TRAK2: variants seen among roughly 807,000 people sequenced by gnomAD.
The protein encoded by TRAK2 is trafficking kinesin-binding protein 2.
In TRAK2, 81 loss-of-function variants were observed where a neutral mutation model predicts 104.6. That is an observed-to-expected ratio of 0.77 (90% confidence interval 0.65 to 0.93). The LOEUF is 0.93. Ranked by LOEUF, TRAK2 falls within the 40% of genes least tolerant of loss-of-function variation. TRAK2 has a pLI of 0.00. For synonymous variants in TRAK2, 406 were observed against 394.4 expected, an observed-to-expected ratio of 1.03 and a Z score of -0.35; for missense variants, 1,002 against 1,089.0, an observed-to-expected ratio of 0.92 and a Z score of 1.12.
At chr2:201,413,763 G>C (rs1287336983) in intron 2 of TRAK2, among the ~76,000 whole-genome samples, 1 of 151,994 alleles carries the variant, frequency 6.6e-6, no homozygotes, top group African/African-American at 2.4e-5. Flanking sequence ...CATTCTTGTT[G>C]CTATCTGCCA....
rs537403913 is a variant in TRAK2 at position 201,380,323 on chromosome 2, C to T, written c.*220G>A. ...GAGTATATTAAACCTTTCTTTTCTCCCTCTGAACACTCATGGCCCATTCAT... is the reference window on the plus strand; with the variant it reads ...GAGTATATTAAACCTTTCTTTTCTCTCTCTGAACACTCATGGCCCATTCAT... On this transcript the variant is annotated 3_prime_UTR_variant, in exon 16 of 16. Transcript: ENST00000332624. 23 of 575,132 alleles carry T rather than the reference C, an allele frequency of 4.0e-5. No homozygotes were observed. In the East Asian group the frequency reaches 6.2e-4, roughly 16 times the overall value. 35.6% of individuals were successfully genotyped at this position (575,132 alleles called of 1,614,324 possible).
intron 1 of TRAK2, among the ~76,000 whole-genome samples, chr2:201,434,582 A>T (rs1576536325): frequency 6.6e-6 from 1 of 152,190 alleles, no homozygotes; most frequent in East Asian, 1.9e-4. Flanking sequence ...TTATAAGACC[A>T]TATAAAGACT....
intron 1 of TRAK2, among the ~76,000 whole-genome samples, chr2:201,445,549 T>C (rs1303195428): frequency 6.6e-6 from 1 of 152,204 alleles, no homozygotes; most frequent in Non-Finnish European, 1.5e-5. Flanking sequence ...AACAGAATTG[T>C]CGGGAGAGAG....
intron 1 of TRAK2, among the ~76,000 whole-genome samples, chr2:201,434,455 T>C (rs1295639934): frequency 6.6e-6 from 1 of 151,942 alleles, no homozygotes; most frequent in Non-Finnish European, 1.5e-5. Flanking sequence ...AATGGCCGAG[T>C]TAAAATATTC....
rs1294219759 is a variant in TRAK2, at chr2:201,379,849, T to G, written c.*694A>C. The G allele has an allele frequency of 6.6e-6, 1 of 151,972 alleles. No individual in the cohort carries two copies. Among genetic ancestry groups the G allele is most frequent in the Non-Finnish European group, 1.5e-5 (1 of 67,934 alleles). 9.4% of individuals were successfully genotyped at this position (151,972 alleles called of 1,614,324 possible). ...TTGGAGGTTGTATAAAAATACAAAT[T>G]TAAAAAATGAACTTTTATTAATCAT... On this transcript the variant is annotated 3_prime_UTR_variant, in exon 16 of 16. Transcript: ENST00000332624.
chr2:201,412,463 G>C (rs1031894464), intron 2 of TRAK2: 2 of 1,167,444 alleles, frequency 1.7e-6, no homozygotes, highest in Non-Finnish European at 2.6e-6. Context: ...TAACTCAACT[G>C]ATCCAACTGC....
chr2:201,418,068 A>T (rs1378096435), intron 2 of TRAK2, among the ~76,000 whole-genome samples: 1 of 152,258 alleles, frequency 6.6e-6, no homozygotes, highest in Non-Finnish European at 1.5e-5. Flanking sequence ...ATGGAGATAT[A>T]TATCAAGTTT....
chr2:201,424,641 C>T (rs1375193554), intron 1 of TRAK2, among the ~76,000 whole-genome samples: 3 of 150,864 alleles, frequency 2.0e-5, no homozygotes, highest in South Asian at 2.1e-4. Context: ...CTCACTCTTT[C>T]GCCCAGGCCG....
rs919598115 is a variant in TRAK2 at position 201,441,222 on chromosome 2, G to T, written c.-200+10128C>A. On this transcript the variant is annotated intron_variant, in intron 1 of 15. Coordinates refer to ENST00000332624, the MANE Select transcript of TRAK2 (RefSeq NM_015049.3). ...TGCATAAAAGAGTTTGGTGTTAAAAGGGTGCTTTATCATTTTTATAGCAAT... is the reference window on the plus strand; with the variant it reads ...TGCATAAAAGAGTTTGGTGTTAAAATGGTGCTTTATCATTTTTATAGCAAT... 2.0e-5 allele frequency among the ~76,000 whole-genome samples: 3 copies of T among 152,284 alleles called. No individual in the cohort carries two copies. In the East Asian group the frequency reaches 5.8e-4, roughly 29 times the overall value.
rs1321590607 is a variant in TRAK2, at chr2:201,377,739, C to T, written c.*2804G>A. On this transcript the variant is annotated 3_prime_UTR_variant, in exon 16 of 16. Transcript: ENST00000332624. ...TTAACTTCTCCCTAAGGACTCATGC[C>T]TAAGGTTATTTACATAAGATTTGGG... 6.6e-6 allele frequency: 1 copy of T among 152,470 alleles called. No individual in the cohort carries two copies. The highest frequency in any genetic ancestry group is 1.5e-5 in the Non-Finnish European group (1 of 68,012). 9.4% of individuals were successfully genotyped at this position (152,470 alleles called of 1,614,324 possible). A position where few individuals can be genotyped will look rare whatever the true frequency, so the allele number is the denominator to read the frequency against.
At chr2:201,411,965 A>G in intron 2 of TRAK2, 1 of 954,526 alleles carries the variant, frequency 1.0e-6, no homozygotes, top group Non-Finnish European at 1.7e-6. Context: ...TGCTCTGTAA[A>G]CCATGGGTAG....
At chr2:201,405,255 C>A (rs1951583988) in intron 3 of TRAK2, among the ~76,000 whole-genome samples, 1 of 152,198 alleles carries the variant, frequency 6.6e-6, no homozygotes, top group Non-Finnish European at 1.5e-5. Context: ...TCTGCCAGTA[C>A]AGGTTAATAA....
rs761691921 is a variant in TRAK2, at chr2:201,447,150, G to A, written c.-200+4200C>T. On this transcript the variant is annotated intron_variant, in intron 1 of 15. Transcript: ENST00000332624. This position sits in a 1 kb window ranked among gnomAD's most constrained non-coding sequence, Gnocchi z 4.1. ...AGTCTTTCTAAAATGCAAATCTAAT[G>A]CTTTTCCACTGCTACAAACCACCTC... 6.6e-6 allele frequency among the ~76,000 whole-genome samples: 1 copy of A among 152,166 alleles called. No homozygotes were observed. The highest frequency in any genetic ancestry group is 1.5e-5 in the Non-Finnish European group (1 of 68,018).
At chr2:201,420,808 C>A in intron 1 of TRAK2, 102 bp from the exon 2 acceptor site, 1 of 252,198 alleles carries the variant, frequency 4.0e-6, no homozygotes, top group Non-Finnish European at 7.7e-6. Context: ...TCTAATGATT[C>A]ATACAACATG....
chr2:201,429,084 T>C (rs1951818262), intron 1 of TRAK2, among the ~76,000 whole-genome samples: 1 of 152,236 alleles, frequency 6.6e-6, no homozygotes, highest in South Asian at 2.1e-4. Context: ...CAATGGGGTC[T>C]TCTAAATATA....
At position 201,399,610 on chromosome 2, in the gene TRAK2, T is replaced by C. The variant is rs1158257328; in HGVS notation, c.364-117A>G. 1.0e-5 allele frequency: 7 copies of C among 671,538 alleles called. No individual in the cohort carries two copies. The East Asian group carries it at 1.8e-4, about 17-fold the overall frequency. The allele number at this position is 671,538 out of a possible 1,614,324, so 41.6% of individuals were successfully genotyped here. The stretch of plus-strand genomic sequence containing the variant: ...AGCAACGTCCTAGAAAGCATCAAGA[T>C]TCATTCATTCATTAAAATGAATAAA... On this transcript the variant is annotated intron_variant, in intron 4 of 15. Coordinates refer to ENST00000332624, the MANE Select transcript of TRAK2 (RefSeq NM_015049.3).
chr2:201,416,860 A>C (rs373753164), intron 2 of TRAK2, among the ~76,000 whole-genome samples: 1 of 152,060 alleles, frequency 6.6e-6, no homozygotes, highest in East Asian at 1.9e-4. Flanking sequence ...AAAATAAAAA[A>C]AGTTTAAAAA....
intron 1 of TRAK2, among the ~76,000 whole-genome samples, chr2:201,436,254 A>T (rs1002072006): frequency 6.6e-6 from 1 of 152,154 alleles, no homozygotes; most frequent in African/African-American, 2.4e-5. Context: ...GGGGGAATAC[A>T]TCTCAAGCAG....
chr2:201,432,917 G>T (rs1951853625), intron 1 of TRAK2, among the ~76,000 whole-genome samples: 2 of 152,212 alleles, frequency 1.3e-5, no homozygotes, highest in African/African-American at 4.8e-5. Context: ...CTGCTGAAAT[G>T]CATGCAGGAA....
Sources: gnomAD v4.1 joint callset for allele counts (sites outside exome capture counted in the v4.1 genomes callset) on GRCh38, gnomAD v4.1.1 for gene constraint, Gnocchi (gnomAD v3.1) non-coding constraint, MANE v1.5 for transcripts, NCBI Gene and HGNC (gene_info 2026-07-23, HGNC 2026-07-21) for gene names.